The following PLEKHA7 variants were observed in gnomAD, a reference collection of about 807,000 sequenced individuals.
PLEKHA7 encodes the protein pleckstrin homology domain-containing family A member 7.
In PLEKHA7, 104 loss-of-function variants were observed where a neutral mutation model predicts 170.0. The ratio of observed to expected loss-of-function variants is 0.61; its 90% confidence interval spans 0.52 to 0.72. The LOEUF (loss-of-function observed/expected upper bound fraction) is 0.72, where lower values mean the gene tolerates loss of function less well. Ranked by LOEUF, PLEKHA7 falls within the 30% of genes least tolerant of loss-of-function variation. The probability of loss-of-function intolerance (pLI) is 0.00; values close to 1 mark genes in which losing one functional copy is unlikely to be tolerated. For missense variants in PLEKHA7, 1,615 were observed against 1,671.7 expected, an observed-to-expected ratio of 0.97 and a Z score of 0.59; for synonymous variants, 648 against 660.8, an observed-to-expected ratio of 0.98 and a Z score of 0.30.
Position 16,990,207 on chromosome 11 carries a change from T to C in PLEKHA7, c.221+23782A>G, listed in dbSNP as rs542503623. 1.4e-4 allele frequency among the ~76,000 whole-genome samples: 20 copies of C among 138,732 alleles called. No individual in the cohort carries two copies. In the South Asian group the frequency reaches 4.7e-3, roughly 32 times the overall value. 91.0% of individuals were successfully genotyped at this position (138,732 alleles called of 152,430 possible). A position where few individuals can be genotyped will look rare whatever the true frequency, so the allele number is the denominator to read the frequency against. On this transcript the variant is annotated intron_variant, in intron 3 of 26. Coordinates refer to ENST00000531066, the MANE Select transcript of PLEKHA7 (RefSeq NM_001329630.2). ...AAATAAATAAATAAATAAAACACCCTCTCTTGCAGTGAGCTGAGATCACGC... is the reference window on the plus strand; with the variant it reads ...AAATAAATAAATAAATAAAACACCCCCTCTTGCAGTGAGCTGAGATCACGC...
intron 3 of PLEKHA7, among the ~76,000 whole-genome samples, chr11:16,895,758 C>T (rs1176534339): frequency 6.6e-6 from 1 of 152,216 alleles, no homozygotes; most frequent in Non-Finnish European, 1.5e-5. Flanking sequence ...ATAGTAACAG[C>T]CTAGTCATTG....
intron 9 of PLEKHA7, among the ~76,000 whole-genome samples, chr11:16,828,280 G>A (rs576409421): frequency 1.3e-5 from 2 of 152,098 alleles, no homozygotes; most frequent in African/African-American, 2.4e-5. Context: ...CAGTGGGTGC[G>A]TTCTCATGAG....
chr11:16,850,268 G>A (rs927865741), intron 8 of PLEKHA7, among the ~76,000 whole-genome samples: 1 of 152,184 alleles, frequency 6.6e-6, no homozygotes, highest in Admixed American at 6.5e-5. Flanking sequence ...CAAGCAACAA[G>A]TGTAGTGGGG....
chr11:16,971,501 A>G (rs1349604249), intron 3 of PLEKHA7, among the ~76,000 whole-genome samples: 1 of 152,242 alleles, frequency 6.6e-6, no homozygotes, highest in East Asian at 1.9e-4. Flanking sequence ...AGGTTAGGTG[A>G]GTTCCAAGTG....
At chr11:16,792,255 G>A (rs1417316786) in intron 19 of PLEKHA7, among the ~76,000 whole-genome samples, 1 of 152,172 alleles carries the variant, frequency 6.6e-6, no homozygotes, top group African/African-American at 2.4e-5. Context: ...TGAATGGAAT[G>A]TCTGGAGGCA....
At chr11:16,992,554 G>A (rs951694602) in intron 3 of PLEKHA7, among the ~76,000 whole-genome samples, 11 of 152,148 alleles carry the variant, frequency 7.2e-5, no homozygotes, top group Admixed American at 5.9e-4. Flanking sequence ...TCAGCAGTTC[G>A]AGACCAGCCT....
At chr11:16,935,934 C>T (rs1477580135) in intron 3 of PLEKHA7, among the ~76,000 whole-genome samples, 1 of 152,176 alleles carries the variant, frequency 6.6e-6, no homozygotes, top group Non-Finnish European at 1.5e-5. Context: ...GAAGAACAGA[C>T]GGATCAAATT....
chr11:16,950,064 A>C (rs1163466339), intron 3 of PLEKHA7, among the ~76,000 whole-genome samples: 1 of 112,706 alleles, frequency 8.9e-6, no homozygotes, highest in Non-Finnish European at 1.7e-5. Flanking sequence ...GAGTGAAGGC[A>C]GAGTAAAGTG....
chr11:16,905,275 TTAAAA>T (rs1474822389), intron 3 of PLEKHA7, among the ~76,000 whole-genome samples: 1 of 152,108 alleles, frequency 6.6e-6, no homozygotes, highest in African/African-American at 2.4e-5. Context: ...AATAAATTAA[TTAAAA>T]TAAAATAAAT....
At chr11:16,966,851 G>A (rs1409489677) in intron 3 of PLEKHA7, among the ~76,000 whole-genome samples, 3 of 152,132 alleles carry the variant, frequency 2.0e-5, no homozygotes, top group Non-Finnish European at 4.4e-5. Context: ...CCTGGAGCCT[G>A]CCTGAATTCA....
chr11:16,823,674 C>T (rs1388743516), intron 10 of PLEKHA7, among the ~76,000 whole-genome samples: 1 of 152,188 alleles, frequency 6.6e-6, no homozygotes, highest in East Asian at 1.9e-4. Flanking sequence ...AACTCCAACT[C>T]CACCCATGTC....
intron 3 of PLEKHA7, 89 bp from the exon 4 acceptor site, chr11:16,871,271 T>G: frequency 9.7e-7 from 1 of 1,029,016 alleles, no homozygotes; most frequent in Non-Finnish European, 1.5e-6. Context: ...CTGGTGACCC[T>G]GGTCATCAAA....
At position 17,014,195 on chromosome 11, in the gene PLEKHA7, C is replaced by G. The variant is rs781686266; in HGVS notation, c.93G>C (p.Gln31His). 28 of 1,589,426 alleles carry G rather than the reference C, an allele frequency of 1.8e-5. No individual in the cohort carries two copies. Among genetic ancestry groups the G allele is most frequent in the East Asian group, 2.4e-5 (1 of 42,492 alleles). Residue 31 changes from glutamine to histidine, a missense_variant, in exon 2 of 27, where the codon CAG becomes CAC. Coordinates refer to ENST00000531066, the MANE Select transcript of PLEKHA7 (RefSeq NM_001329630.2). The part of the protein sequence containing the change: ...RDGRVFFIND[Q>H]LRCTTWLHPR... ...GATGCAGCCAGGTCGTGCAGCGGAG[C>G]TGGTCACTGCGGGCAGAGAGGTGCA...
At chr11:16,921,300 CTCTT>C (rs970613007) in intron 3 of PLEKHA7, among the ~76,000 whole-genome samples, 15 of 152,264 alleles carry the variant, frequency 9.9e-5, no homozygotes, top group African/African-American at 3.6e-4. Context: ...AACTAGCAAC[CTCTT>C]TCTTAAAAGG....
In PLEKHA7 at chr11:16,860,353, G is replaced by A. The variant is rs544574120; in HGVS notation, c.306-4439C>T. Among the ~76,000 whole-genome samples, 9 of 152,258 alleles carry A rather than the reference G, an allele frequency of 5.9e-5. No individual in the cohort carries two copies. In the East Asian group the frequency reaches 1.7e-3, roughly 29 times the overall value. ...TTTTTTCTGTTGGGTCTGAAATTAG[G>A]TGGGTTTGGTCAATGAGATCTGGTT... On this transcript the variant is annotated intron_variant, in intron 4 of 26. Coordinates refer to ENST00000531066, the MANE Select transcript of PLEKHA7 (RefSeq NM_001329630.2).
At chr11:16,824,071 T>C (rs1217877442) in intron 10 of PLEKHA7, among the ~76,000 whole-genome samples, 1 of 152,108 alleles carries the variant, frequency 6.6e-6, no homozygotes, top group Non-Finnish European at 1.5e-5. Context: ...ATTGAACTCA[T>C]GGAGATAGAG....
chr11:16,850,321 A>G (rs1852825496), intron 8 of PLEKHA7, among the ~76,000 whole-genome samples: 1 of 152,230 alleles, frequency 6.6e-6, no homozygotes, highest in African/African-American at 2.4e-5. Flanking sequence ...ACATTGCCTC[A>G]TATCTTAAGC....
chr11:16,804,030 T>A (rs1848780074), intron 13 of PLEKHA7, among the ~76,000 whole-genome samples: 1 of 152,236 alleles, frequency 6.6e-6, no homozygotes. Flanking sequence ...TGACTCAAAG[T>A]AGGCAATATG....
At chr11:16,897,717 T>C (rs1459365998) in intron 3 of PLEKHA7, among the ~76,000 whole-genome samples, 8 of 152,162 alleles carry the variant, frequency 5.3e-5, no homozygotes, top group Admixed American at 3.9e-4. Flanking sequence ...GCCATTTTGC[T>C]TCAGGAACAC....
Sources: gnomAD v4.1 joint callset for allele counts (sites outside exome capture counted in the v4.1 genomes callset) on GRCh38, gnomAD v4.1.1 for gene constraint, MANE v1.5 for transcripts, NCBI Gene and HGNC (gene_info 2026-07-23, HGNC 2026-07-21) for gene names.